CRLS1: variants seen among roughly 807,000 people sequenced by gnomAD.
CRLS1 encodes the protein cardiolipin synthase 1.
In CRLS1, 24 loss-of-function variants were observed where a neutral mutation model predicts 37.0. That is an observed-to-expected ratio of 0.65 (90% CI 0.47 to 0.91). The LOEUF is 0.91. Among genes scored for constraint, CRLS1 ranks in the 40% least tolerant of loss-of-function variants. The pLI, the probability that CRLS1 is intolerant of heterozygous loss-of-function variation, is 0.00. For synonymous variants in CRLS1, 135 were observed against 159.7 expected, an observed-to-expected ratio of 0.85 and a Z score of 1.17; for missense variants, 373 against 395.8, an observed-to-expected ratio of 0.94 and a Z score of 0.49.
Position 6,038,097 on chromosome 20 carries a change from C to G in CRLS1, c.*939C>G, listed in dbSNP as rs372958772. On this transcript the variant is annotated 3_prime_UTR_variant, in exon 7 of 7. Coordinates refer to ENST00000378863, the MANE Select transcript of CRLS1 (RefSeq NM_019095.6). ...ATAACATACGTATTCTCTGCTGTTA[C>G]GTAAGTTTTCCGATTCACAGAGTCC... 1.4e-4 allele frequency: 22 copies of G among 152,318 alleles called. No individual in the cohort carries two copies. Among genetic ancestry groups the G allele is most frequent in the African/African-American group, 5.1e-4 (21 of 41,568 alleles). 9.4% of individuals were successfully genotyped at this position (152,318 alleles called of 1,614,324 possible). A position where few individuals can be genotyped will look rare whatever the true frequency, so the allele number is the denominator to read the frequency against.
At chr20:6,008,243 A>T (rs1467464832) in intron 1 of CRLS1, among the ~76,000 whole-genome samples, 1 of 152,100 alleles carries the variant, frequency 6.6e-6, no homozygotes, top group Non-Finnish European at 1.5e-5. Context: ...ATTAAGAAAG[A>T]GGTTAAAAGG....
chr20:6,032,087 G>T lies in CRLS1; in HGVS notation c.729+7G>T. On this transcript the variant is annotated splice_region_variant and intron_variant, in intron 5 of 6. Transcript: ENST00000378863. ...ACCAACATTCATCAGCAAGGTAAGAGAATGCAATGTTCTTTGAAGTTATTC... is the reference window on the plus strand; with the variant it reads ...ACCAACATTCATCAGCAAGGTAAGATAATGCAATGTTCTTTGAAGTTATTC... 3 of 1,599,676 alleles carry T rather than the reference G, an allele frequency of 1.9e-6. No individual in the cohort carries two copies. The highest frequency in any genetic ancestry group is 2.6e-6 in the Non-Finnish European group (3 of 1,167,334).
At chr20:6,035,853 G>C (rs1231317922) in intron 6 of CRLS1, among the ~76,000 whole-genome samples, 1 of 151,926 alleles carries the variant, frequency 6.6e-6, no homozygotes, top group African/African-American at 2.4e-5. Flanking sequence ...TGCCCAGGCT[G>C]GAGTGCAATG....
chr20:6,037,679 T>G lies in CRLS1; in HGVS notation c.*521T>G, dbSNP rs1269296699. 2 of 152,260 alleles carry G rather than the reference T, an allele frequency of 1.3e-5. No homozygotes were observed. Among genetic ancestry groups the G allele is most frequent in the Non-Finnish European group, 2.9e-5 (2 of 68,050 alleles). The allele number at this position is 152,260 out of a possible 1,614,324, so 9.4% of individuals were successfully genotyped here. ...AAAGTGAAGTTAGTTGTAGATGAAG[T>G]AAAGTTATAAAAGAGATTAAAAATG... On this transcript the variant is annotated 3_prime_UTR_variant, in exon 7 of 7. Transcript: ENST00000378863.
chr20:6,007,545 G>C, intron 1 of CRLS1: 1 of 843,044 alleles, frequency 1.2e-6, no homozygotes, highest in Non-Finnish European at 1.9e-6. Flanking sequence ...TCCCTTCACT[G>C]TTCCAGCAAC....
In CRLS1 at chr20:6,008,635, G is replaced by A. The variant is rs139969376; in HGVS notation, c.307-1140G>A. On this transcript the variant is annotated intron_variant, in intron 1 of 6. Transcript: ENST00000378863. ...TTTGAACAAATTTACACAATTTCTCGATTTCCAAATATCACAATCCCTATT... is the reference window on the plus strand; with the variant it reads ...TTTGAACAAATTTACACAATTTCTCAATTTCCAAATATCACAATCCCTATT... 3.7e-4 allele frequency among the ~76,000 whole-genome samples: 56 copies of A among 152,268 alleles called. No individual in the cohort carries two copies. In the East Asian group the frequency reaches 0.011, roughly 29 times the overall value.
chr20:6,034,644 G>T (rs1980418531), intron 6 of CRLS1, 89 bp downstream of exon 6: 1 of 919,448 alleles, frequency 1.1e-6, no homozygotes, highest in Admixed American at 2.0e-5. Context: ...TACAGCATTT[G>T]TTGAGCACTG....
chr20:6,006,194 C>T lies in CRLS1; in HGVS notation c.-53C>T. 9.2e-7 allele frequency: 1 copy of T among 1,085,264 alleles called. No individual in the cohort carries two copies. The highest frequency in any genetic ancestry group is 1.6e-5 in the African/African-American group (1 of 61,134). 67.2% of individuals were successfully genotyped at this position (1,085,264 alleles called of 1,614,324 possible). A position where few individuals can be genotyped will look rare whatever the true frequency, so the allele number is the denominator to read the frequency against. ...CCATGGAGAAGCGGCTCGCCAGTGT[C>T]CCAGGCTGCTGAGCTCTCGCCGCCC... On this transcript the variant is annotated 5_prime_UTR_variant, in exon 1 of 7. Coordinates refer to ENST00000378863, the MANE Select transcript of CRLS1 (RefSeq NM_019095.6).
intron 1 of CRLS1, among the ~76,000 whole-genome samples, chr20:6,008,850 C>G (rs2090094295): frequency 6.6e-6 from 1 of 152,148 alleles, no homozygotes; most frequent in Non-Finnish European, 1.5e-5. Flanking sequence ...GATAATTTGG[C>G]CTTTTTTCCT....
intron 3 of CRLS1, among the ~76,000 whole-genome samples, chr20:6,027,798 A>C (rs1483286178): frequency 6.6e-6 from 1 of 152,232 alleles, no homozygotes; most frequent in South Asian, 2.1e-4. Flanking sequence ...TAAAAAATGT[A>C]AAAATCACGC....
rs1194594854 is a variant in CRLS1, at chr20:6,034,456, T to C, written c.730-8T>C. The C allele has an allele frequency of 1.2e-6, 2 of 1,605,032 alleles. No individual in the cohort carries two copies. The highest frequency in any genetic ancestry group is 8.5e-7 in the Non-Finnish European group (1 of 1,176,104). The stretch of plus-strand genomic sequence containing the variant: ...TATTCACTTAGAACTTTTTCTTTTT[T>C]TATTTAGGTGAATACAGCAGTCCAG... On this transcript the variant is annotated splice_region_variant and splice_polypyrimidine_tract_variant and intron_variant, in intron 5 of 6. Transcript: ENST00000378863.
intron 3 of CRLS1, among the ~76,000 whole-genome samples, chr20:6,027,887 G>T (rs1979850177): frequency 1.3e-5 from 2 of 152,182 alleles, no homozygotes; most frequent in Non-Finnish European, 2.9e-5. Flanking sequence ...TCTTTATATG[G>T]ACTTCTGAGT....
chr20:6,007,625 C>T (rs955006508), intron 1 of CRLS1, among the ~76,000 whole-genome samples: 1 of 152,062 alleles, frequency 6.6e-6, no homozygotes, highest in Non-Finnish European at 1.5e-5. Flanking sequence ...TTAATTTTGC[C>T]CTGTGGATAA....
chr20:6,006,541 A>AC lies in CRLS1; in HGVS notation c.300dup (p.Ser101GlnfsTer4). On this transcript the variant is annotated frameshift_variant, in exon 1 of 7. Coordinates refer to ENST00000378863, the MANE Select transcript of CRLS1 (RefSeq NM_019095.6). The stretch of plus-strand genomic sequence containing the variant: ...GGGCGGCCAGTGGGGCCCGGCGAGC[A>AC]CCCCCAGCCTGGTACGTACCGATGA... 1.5e-6 allele frequency: 2 copies of AC among 1,312,192 alleles called. No individual in the cohort carries two copies. Among genetic ancestry groups the AC allele is most frequent in the Non-Finnish European group, 1.9e-6 (2 of 1,039,310 alleles). The allele number at this position is 1,312,192 out of a possible 1,614,324, so 81.3% of individuals were successfully genotyped here. A position where few individuals can be genotyped will look rare whatever the true frequency, so the allele number is the denominator to read the frequency against.
At chr20:6,016,961 G>A (rs1208396872) in intron 3 of CRLS1, among the ~76,000 whole-genome samples, 1 of 151,934 alleles carries the variant, frequency 6.6e-6, no homozygotes, top group Non-Finnish European at 1.5e-5. Flanking sequence ...GTTGAAGTAG[G>A]CATCACTTTT....
intron 3 of CRLS1, among the ~76,000 whole-genome samples, chr20:6,017,715 A>T (rs1457019014): frequency 1.3e-5 from 2 of 152,198 alleles, no homozygotes; most frequent in African/African-American, 4.8e-5. Context: ...TTGGATTTTG[A>T]TTGGGATTGC....
At chr20:6,034,346 A>G (rs1255929341) in intron 5 of CRLS1, 118 bp from the exon 6 acceptor site, 2 of 664,468 alleles carry the variant, frequency 3.0e-6, no homozygotes, top group African/African-American at 1.8e-5. Flanking sequence ...GTAGATGAAC[A>G]GCAAGCATGC....
intron 2 of CRLS1, among the ~76,000 whole-genome samples, chr20:6,014,716 A>G (rs1978605995): frequency 6.6e-6 from 1 of 152,188 alleles, no homozygotes; most frequent in African/African-American, 2.4e-5. Flanking sequence ...TGATAGGTCA[A>G]ACAGAACCAG....
chr20:6,037,796 G>C lies in CRLS1; in HGVS notation c.*638G>C, dbSNP rs1393450202. ...CTCAGGTGCCTAATAATTTATGTTT[G>C]AGGATAACAGGTAACAAAGATAGTC... On this transcript the variant is annotated 3_prime_UTR_variant, in exon 7 of 7. Coordinates refer to ENST00000378863, the MANE Select transcript of CRLS1 (RefSeq NM_019095.6). 1 of 152,178 alleles carries C rather than the reference G, an allele frequency of 6.6e-6. No individual in the cohort carries two copies. Among genetic ancestry groups the C allele is most frequent in the Non-Finnish European group, 1.5e-5 (1 of 68,038 alleles). The allele number at this position is 152,178 out of a possible 1,614,324, so 9.4% of individuals were successfully genotyped here.
Sources: gnomAD v4.1 joint callset for allele counts (sites outside exome capture counted in the v4.1 genomes callset) on GRCh38, gnomAD v4.1.1 for gene constraint, MANE v1.5 for transcripts, NCBI Gene and HGNC (gene_info 2026-07-23, HGNC 2026-07-21) for gene names.